NRG1: variants seen among roughly 807,000 people sequenced by gnomAD.
NRG1 encodes neuregulin 1, also known as pro-neuregulin-1, membrane-bound isoform.
Under a neutral mutation model 63.8 loss-of-function variants are expected in NRG1, and 18 were observed. The observed-to-expected ratio is 0.28, with a 90% CI of 0.19 to 0.42. The LOEUF (loss-of-function observed/expected upper bound fraction) is 0.42, where lower values mean the gene tolerates loss of function less well. NRG1 is among the 10% of genes least tolerant of loss of function. NRG1 has a pLI of 1.00. For missense variants in NRG1, 762 were observed against 814.7 expected (o/e 0.94, Z 0.79); for synonymous variants, 302 against 301.3 (o/e 1.00, Z -0.02).
At chr8:31,897,305 T>C (rs1158614348) in intron 1 of NRG1, among the ~76,000 whole-genome samples, 1 of 151,904 alleles carries the variant, frequency 6.6e-6, no homozygotes, top group Non-Finnish European at 1.5e-5. Context: ...AACATTAAAA[T>C]AGATTTTAAG....
intron 1 of NRG1, among the ~76,000 whole-genome samples, chr8:32,461,399 A>G (rs1822288712): frequency 6.6e-6 from 1 of 152,160 alleles, no homozygotes; most frequent in Non-Finnish European, 1.5e-5. Context: ...GTTGTATTCA[A>G]TAGAAAACCT....
At chr8:32,056,298 C>A (rs1359646226) in intron 1 of NRG1, among the ~76,000 whole-genome samples, 1 of 152,064 alleles carries the variant, frequency 6.6e-6, no homozygotes, top group Admixed American at 6.6e-5. Flanking sequence ...TTTAACATTC[C>A]CACCTCTACC....
chr8:31,903,293 C>T (rs771904590), intron 1 of NRG1, among the ~76,000 whole-genome samples: 2 of 151,712 alleles, frequency 1.3e-5, no homozygotes, highest in African/African-American at 2.4e-5. Flanking sequence ...GGACTACAGG[C>T]GTCCACTACC....
At chr8:32,518,706 G>GA (rs1186347075) in intron 1 of NRG1, among the ~76,000 whole-genome samples, 1 of 152,024 alleles carries the variant, frequency 6.6e-6, no homozygotes, top group Non-Finnish European at 1.5e-5. Flanking sequence ...GATTTCATGT[G>GA]AAAACCAAGA....
chr8:32,047,004 T>C (rs1017355405), intron 1 of NRG1, among the ~76,000 whole-genome samples: 2 of 152,114 alleles, frequency 1.3e-5, no homozygotes, highest in Non-Finnish European at 2.9e-5. Context: ...TAGCAGGCAA[T>C]GAATGGCTTC....
chr8:32,567,785 A>G (rs1837737372), intron 1 of NRG1, among the ~76,000 whole-genome samples: 1 of 152,256 alleles, frequency 6.6e-6, no homozygotes, highest in Admixed American at 6.5e-5. Flanking sequence ...CTAGACAAAT[A>G]GTTGGCAGAA....
intron 1 of NRG1, among the ~76,000 whole-genome samples, chr8:31,899,547 CTTATTA>C (rs1831893275): frequency 6.6e-6 from 1 of 152,116 alleles, no homozygotes; most frequent in African/African-American, 2.4e-5. Flanking sequence ...TGTTCCAGGA[CTTATTA>C]TTATCATTTC....
intron 1 of NRG1, among the ~76,000 whole-genome samples, chr8:31,900,352 A>C (rs897065978): frequency 4.6e-5 from 7 of 152,332 alleles, no homozygotes; most frequent in South Asian, 2.1e-4. Context: ...TGAAAAATGG[A>C]ATTCACCAGG....
At chr8:32,183,088 A>AAAG (rs1167443190) in intron 1 of NRG1, among the ~76,000 whole-genome samples, 1 of 152,216 alleles carries the variant, frequency 6.6e-6, no homozygotes, top group Non-Finnish European at 1.5e-5. Flanking sequence ...AAGGGGAAGG[A>AAAG]AAGAACTCCA....
chr8:32,052,455 A>G (rs1335400213), intron 1 of NRG1, among the ~76,000 whole-genome samples: 1 of 150,964 alleles, frequency 6.6e-6, no homozygotes, highest in Non-Finnish European at 1.5e-5. Context: ...TTTTATTTGT[A>G]TTTTTTTTAA....
At chr8:31,700,713 T>C (rs1392852538) in intron 1 of NRG1, among the ~76,000 whole-genome samples, 1 of 152,050 alleles carries the variant, frequency 6.6e-6, no homozygotes, top group Non-Finnish European at 1.5e-5. Flanking sequence ...TCAGAGAAAA[T>C]GAGATGAAGC....
intron 1 of NRG1, among the ~76,000 whole-genome samples, chr8:31,663,195 G>A (rs1806179339): frequency 6.6e-6 from 1 of 152,136 alleles, no homozygotes. Context: ...AGAATAAATT[G>A]GATTGGAAAA....
intron 1 of NRG1, among the ~76,000 whole-genome samples, chr8:31,805,391 G>A (rs979017806): frequency 6.6e-6 from 1 of 151,904 alleles, no homozygotes; most frequent in African/African-American, 2.4e-5. Flanking sequence ...TAATTGTTTT[G>A]TAATATTAAA....
chr8:32,507,883 A>G (rs1828719283), intron 1 of NRG1, among the ~76,000 whole-genome samples: 1 of 152,114 alleles, frequency 6.6e-6, no homozygotes, highest in Non-Finnish European at 1.5e-5. Flanking sequence ...TTTTTAGTAG[A>G]GATGGGGTTT....
At chr8:32,245,503 G>T (rs1848513505) in intron 1 of NRG1, among the ~76,000 whole-genome samples, 1 of 152,140 alleles carries the variant, frequency 6.6e-6, no homozygotes, top group South Asian at 2.1e-4. Flanking sequence ...ATTTGCATAT[G>T]TATCAGTTAC....
intron 1 of NRG1, among the ~76,000 whole-genome samples, chr8:31,837,451 A>C (rs1167075709): frequency 6.6e-6 from 1 of 152,046 alleles, no homozygotes; most frequent in Non-Finnish European, 1.5e-5. Flanking sequence ...TTGTGAAATA[A>C]TCAAATCATG....
intron 1 of NRG1, among the ~76,000 whole-genome samples, chr8:31,889,172 C>A (rs1335592858): frequency 6.6e-6 from 1 of 152,154 alleles, no homozygotes; most frequent in Non-Finnish European, 1.5e-5. Flanking sequence ...ATGTCTAGGC[C>A]TAGGAAAGTG....
intron 5 of NRG1, among the ~76,000 whole-genome samples, chr8:32,668,423 G>A (rs1341046828): frequency 6.6e-6 from 1 of 152,078 alleles, no homozygotes; most frequent in Admixed American, 6.5e-5. Flanking sequence ...ATGAGTGTAG[G>A]TTATTGAAGT....
At chr8:32,685,581 A>G (rs796765761) in intron 5 of NRG1, among the ~76,000 whole-genome samples, 4 of 152,312 alleles carry the variant, frequency 2.6e-5, no homozygotes, top group African/African-American at 9.6e-5. Flanking sequence ...TTCCTAGCAA[A>G]TCTTCATGTA....
Sources: gnomAD v4.1 joint callset for allele counts (sites outside exome capture counted in the v4.1 genomes callset) on GRCh38, gnomAD v4.1.1 for gene constraint, MANE v1.5 for transcripts, NCBI Gene and HGNC (gene_info 2026-07-23, HGNC 2026-07-21) for gene names.